GALNT13: variants seen among roughly 807,000 people sequenced by gnomAD.
GALNT13 encodes UDP-GalNAc:polypeptide N-acetylgalactosaminyltransferase 13.
In GALNT13, 28 loss-of-function variants were observed where a neutral mutation model predicts 64.2. That is an observed-to-expected ratio of 0.44 (90% CI 0.32 to 0.60). The LOEUF (loss-of-function observed/expected upper bound fraction) is 0.60, where lower values mean the gene tolerates loss of function less well. Among genes scored for constraint, GALNT13 ranks in the 20% least tolerant of loss-of-function variants. The probability of loss-of-function intolerance (pLI) is 0.05; values close to 1 mark genes in which losing one functional copy is unlikely to be tolerated. For synonymous variants in GALNT13, 214 were observed against 224.6 expected (o/e 0.95, Z 0.42); for missense variants, 577 against 669.8 (o/e 0.86, Z 1.53).
Position 154,347,545 on chromosome 2 carries a change from G to T in GALNT13, c.1156+45956G>T, listed in dbSNP as rs75816431. On this transcript the variant is annotated intron_variant, in intron 9 of 12. Transcript: ENST00000392825. ...CCATACCAATATGTCACCTATAGAT[G>T]TTGTTTTTTCTCAACTGTCTTTGCT... Among the ~76,000 whole-genome samples the T allele has an allele frequency of 7.8e-3, 1,185 of 152,200 alleles. 14 individuals are homozygous for T. The highest frequency in any genetic ancestry group is 0.027 in the African/African-American group (1,128 of 41,536).
In GALNT13 at chr2:153,922,553, C is replaced by T. The variant is rs1689830050; in HGVS notation, c.-105+21546C>T. ...AATAAACTATAATTAGAAAAGCTGT[C>T]TGTTAGTAACTAATTGCTTCTCCCT... On this transcript the variant is annotated intron_variant, in intron 2 of 12. Coordinates refer to ENST00000392825, the MANE Select transcript of GALNT13 (RefSeq NM_052917.4). Among the ~76,000 whole-genome samples the T allele has an allele frequency of 3.3e-5, 5 of 152,200 alleles. No individual in the cohort carries two copies. In the South Asian group the frequency reaches 1.0e-3, roughly 32 times the overall value.
At chr2:154,123,908 C>G (rs893436832) in intron 3 of GALNT13, among the ~76,000 whole-genome samples, 2 of 151,990 alleles carry the variant, frequency 1.3e-5, no homozygotes, top group Non-Finnish European at 2.9e-5. Context: ...CTTTAGAGTA[C>G]AATGCATATT....
intron 2 of GALNT13, among the ~76,000 whole-genome samples, chr2:153,943,729 A>AGGTGATC (rs1691510846): frequency 6.6e-6 from 1 of 152,158 alleles, no homozygotes; most frequent in South Asian, 2.1e-4. Flanking sequence ...TCCTGACCTC[A>AGGTGATC]GGTGATCCGC....
chr2:153,540,463 A>C, the GALNT13 span, among the ~76,000 whole-genome samples: 446 of 152,332 alleles, frequency 2.9e-3, 1 homozygote, highest in Non-Finnish European at 4.3e-3. Flanking sequence ...TGGAGCTCCC[A>C]CACAGAGTCC....
intron 4 of GALNT13, among the ~76,000 whole-genome samples, chr2:154,145,538 A>G (rs2105597869): frequency 6.6e-6 from 1 of 152,088 alleles, no homozygotes; most frequent in East Asian, 1.9e-4. Flanking sequence ...TGAAGGTTAT[A>G]ATGCAGCTAG....
At chr2:154,243,196 G>A (rs577226826) in intron 6 of GALNT13, among the ~76,000 whole-genome samples, 103 of 152,258 alleles carry the variant, frequency 6.8e-4, no homozygotes, top group Non-Finnish European at 1.0e-3. Flanking sequence ...GTGTTATAAA[G>A]CACATTTTCA....
chr2:154,441,736 G>A (rs1701307709), intron 12 of GALNT13: 1 of 152,048 alleles, frequency 6.6e-6, no homozygotes, highest in South Asian at 2.1e-4. Context: ...GGAATATCCA[G>A]AGAAAAATGG....
the GALNT13 span, among the ~76,000 whole-genome samples, chr2:153,619,888 G>A: frequency 6.6e-6 from 1 of 151,866 alleles, no homozygotes; most frequent in Middle Eastern, 3.2e-3. Context: ...AAAAATAGTT[G>A]ATCTTTGGGA....
chr2:153,082,314 TC>T, the GALNT13 span, among the ~76,000 whole-genome samples: 1 of 151,778 alleles, frequency 6.6e-6, no homozygotes, highest in Non-Finnish European at 1.5e-5. Flanking sequence ...CTCCCTCTCA[TC>T]CTTTCCTCCA....
chr2:153,755,906 T>A, the GALNT13 span, among the ~76,000 whole-genome samples: 1 of 152,168 alleles, frequency 6.6e-6, no homozygotes, highest in Non-Finnish European at 1.5e-5. Context: ...TAGTCTTAAG[T>A]GATTATTCCT....
At chr2:153,680,138 GATAAATGAATAA>G in the GALNT13 span, among the ~76,000 whole-genome samples, 1 of 151,756 alleles carries the variant, frequency 6.6e-6, no homozygotes, top group African/African-American at 2.4e-5. Flanking sequence ...TGAATAAATA[GATAAATGAATAA>G]ATAAATGAAT....
chr2:153,603,728 A>G, the GALNT13 span, among the ~76,000 whole-genome samples: 1 of 151,952 alleles, frequency 6.6e-6, no homozygotes, highest in African/African-American at 2.4e-5. Flanking sequence ...TAGGGTATCA[A>G]TATTTTGGAC....
chr2:154,033,721 T>A (rs1037473531), intron 3 of GALNT13, among the ~76,000 whole-genome samples: 2 of 152,008 alleles, frequency 1.3e-5, no homozygotes, highest in African/African-American at 4.8e-5. Context: ...GGTTGGATCA[T>A]GAGGTCAGGA....
chr2:154,403,696 C>T (rs1018977187), intron 10 of GALNT13, among the ~76,000 whole-genome samples: 1 of 152,098 alleles, frequency 6.6e-6, no homozygotes. Flanking sequence ...GACCTGGTCC[C>T]CCAGGCCTAA....
At chr2:154,332,656 TC>T (rs762421593) in intron 9 of GALNT13, among the ~76,000 whole-genome samples, 7 of 152,122 alleles carry the variant, frequency 4.6e-5, no homozygotes, top group Non-Finnish European at 1.0e-4. Flanking sequence ...GAATCTGTCT[TC>T]CGGCTATGTG....
intron 9 of GALNT13, among the ~76,000 whole-genome samples, chr2:154,360,874 AG>A (rs1299359366): frequency 6.6e-6 from 1 of 152,112 alleles, no homozygotes; most frequent in Non-Finnish European, 1.5e-5. Context: ...CCAGCCAAAA[AG>A]GGTTGAGGCA....
chr2:153,969,663 C>T (rs574365308), intron 3 of GALNT13, among the ~76,000 whole-genome samples: 7 of 152,076 alleles, frequency 4.6e-5, no homozygotes, highest in South Asian at 4.1e-4. Flanking sequence ...TACACTATTC[C>T]GCCTATTACA....
At chr2:154,268,637 A>T (rs1296356015) in intron 8 of GALNT13, among the ~76,000 whole-genome samples, 2 of 149,094 alleles carry the variant, frequency 1.3e-5, no homozygotes, top group Non-Finnish European at 3.0e-5. Flanking sequence ...AGAGAGAGAC[A>T]GAGAGAGAGA....
At chr2:154,223,788 T>A (rs1357292624) in intron 4 of GALNT13, among the ~76,000 whole-genome samples, 1 of 152,128 alleles carries the variant, frequency 6.6e-6, no homozygotes, top group Admixed American at 6.6e-5. Flanking sequence ...TTAACTAACA[T>A]TACATTGAAA....
Sources: gnomAD v4.1 joint callset for allele counts (sites outside exome capture counted in the v4.1 genomes callset) on GRCh38, gnomAD v4.1.1 for gene constraint, MANE v1.5 for transcripts, NCBI Gene and HGNC (gene_info 2026-07-23, HGNC 2026-07-21) for gene names.